Variants in NXPE2 observed in about 807,000 individuals in gnomAD.
The protein encoded by NXPE2 is NXPE family member 2.
In NXPE2, 34 loss-of-function variants were observed where a neutral mutation model predicts 34.4. That is an observed-to-expected ratio of 0.99 (90% CI 0.75 to 1.31). The LOEUF is 1.31. Among genes scored for constraint, NXPE2 ranks in the 40% most tolerant of loss-of-function variants. NXPE2 has a pLI of 0.00. For missense variants in NXPE2, 649 were observed against 672.5 expected, an observed-to-expected ratio of 0.97 and a Z score of 0.39; for synonymous variants, 235 against 231.3, an observed-to-expected ratio of 1.02 and a Z score of -0.15.
At chr11:114,775,881 A>AAG in the NXPE2 span, among the ~76,000 whole-genome samples, 2 of 40,276 alleles carry the variant, frequency 5.0e-5, no homozygotes, top group Admixed American at 4.9e-4. Flanking sequence ...CAAAAAAACG[A>AAG]AAAAAAAAAA....
chr11:114,634,856 G>C, the NXPE2 span, among the ~76,000 whole-genome samples: 1 of 151,966 alleles, frequency 6.6e-6, no homozygotes, highest in Non-Finnish European at 1.5e-5. Context: ...ATGCTGTTTT[G>C]GTTACTGTAG....
intron 2 of NXPE2, among the ~76,000 whole-genome samples, chr11:114,697,085 C>T (rs1187449480): frequency 2.0e-5 from 3 of 152,144 alleles, no homozygotes; most frequent in African/African-American, 7.2e-5. Context: ...TTGTACTATA[C>T]TCACCTATTT....
At chr11:114,560,273 CTT>C in the NXPE2 span, among the ~76,000 whole-genome samples, 27 of 135,090 alleles carry the variant, frequency 2.0e-4, no homozygotes, top group Non-Finnish European at 2.5e-4. Flanking sequence ...CTTTTTTTTT[CTT>C]TTTTTTTTTT....
chr11:114,534,215 G>T, the NXPE2 span, among the ~76,000 whole-genome samples: 1 of 152,218 alleles, frequency 6.6e-6, no homozygotes, highest in South Asian at 2.1e-4. Context: ...CAGACCTGCA[G>T]CTGAGGGTTC....
At chr11:114,566,697 TTCTCTCTCTC>T in the NXPE2 span, among the ~76,000 whole-genome samples, 6 of 150,396 alleles carry the variant, frequency 4.0e-5, no homozygotes, top group South Asian at 2.1e-4. Flanking sequence ...ATCAAGGGAT[TTCTCTCTCTC>T]TCTCTCTCTA....
chr11:114,720,728 AAATT>A, the NXPE2 span, among the ~76,000 whole-genome samples: 1 of 152,212 alleles, frequency 6.6e-6, no homozygotes, highest in African/African-American at 2.4e-5. Flanking sequence ...TATGTTATCA[AAATT>A]AATTTATTTC....
the NXPE2 span, among the ~76,000 whole-genome samples, chr11:114,545,527 G>T: frequency 6.6e-6 from 1 of 152,128 alleles, no homozygotes; most frequent in Non-Finnish European, 1.5e-5. Flanking sequence ...GTTCTATAGA[G>T]ATCAAAAACC....
At chr11:114,771,605 G>A in the NXPE2 span, among the ~76,000 whole-genome samples, 2,937 of 152,158 alleles carry the variant, frequency 0.019, 81 homozygotes, top group African/African-American at 0.067. Flanking sequence ...AATTCACTCA[G>A]TCCTCGTGAG....
the NXPE2 span, among the ~76,000 whole-genome samples, chr11:114,639,991 T>A: frequency 8.4e-6 from 1 of 118,656 alleles, no homozygotes; most frequent in African/African-American, 3.4e-5. Flanking sequence ...AATATAATAA[T>A]GTTATATAAT....
the NXPE2 span, among the ~76,000 whole-genome samples, chr11:114,776,033 C>A: frequency 6.6e-6 from 1 of 152,208 alleles, no homozygotes; most frequent in Non-Finnish European, 1.5e-5. Flanking sequence ...ACCCAAACAC[C>A]TCTCCTGTGG....
the NXPE2 span, among the ~76,000 whole-genome samples, chr11:114,608,631 A>G: frequency 2.6e-5 from 4 of 151,716 alleles, no homozygotes; most frequent in Non-Finnish European, 5.9e-5. Context: ...GGTGGATAAT[A>G]CTTGTTGCCT....
chr11:114,504,347 A>G, the NXPE2 span, among the ~76,000 whole-genome samples: 1 of 152,206 alleles, frequency 6.6e-6, no homozygotes. Flanking sequence ...GGGCACAGAG[A>G]AGGCATCCAG....
At chr11:114,800,271 A>C in the NXPE2 span, among the ~76,000 whole-genome samples, 5 of 152,266 alleles carry the variant, frequency 3.3e-5, no homozygotes, top group Non-Finnish European at 7.3e-5. Context: ...CAATCTAAAA[A>C]TAATTAAACC....
chr11:114,715,432 T>A, the NXPE2 span, among the ~76,000 whole-genome samples: 1 of 152,256 alleles, frequency 6.6e-6, no homozygotes, highest in Non-Finnish European at 1.5e-5. Context: ...TTTCTGTTAC[T>A]AATGTTTTCA....
chr11:114,601,675 AATTATAGAT>A, the NXPE2 span, among the ~76,000 whole-genome samples: 7 of 37,304 alleles, frequency 1.9e-4, 1 homozygote, highest in African/African-American at 9.7e-4. Flanking sequence ...TATATATTAT[AATTATAGAT>A]TATATATATT....
chr11:114,718,878 AC>A, the NXPE2 span, among the ~76,000 whole-genome samples: 1 of 152,024 alleles, frequency 6.6e-6, no homozygotes, highest in East Asian at 1.9e-4. Context: ...GTGAAACTGA[AC>A]CCCCAAAGTA....
At chr11:114,559,303 C>G in the NXPE2 span, among the ~76,000 whole-genome samples, 1 of 152,188 alleles carries the variant, frequency 6.6e-6, no homozygotes, top group Non-Finnish European at 1.5e-5. Context: ...AGGAAACTTT[C>G]CAGCATAACT....
At chr11:114,543,830 A>G in the NXPE2 span, among the ~76,000 whole-genome samples, 2 of 152,326 alleles carry the variant, frequency 1.3e-5, no homozygotes, top group East Asian at 3.9e-4. Flanking sequence ...TCTACGTAGA[A>G]TCTACCCAAA....
At chr11:114,556,357 G>A in the NXPE2 span, among the ~76,000 whole-genome samples, 1 of 152,124 alleles carries the variant, frequency 6.6e-6, no homozygotes, top group Non-Finnish European at 1.5e-5. Flanking sequence ...GTTGTTCTGT[G>A]CTACACTTTG....
Sources: allele counts gnomAD v4.1 joint callset (sites outside exome capture counted in the v4.1 genomes callset), GRCh38; gene constraint gnomAD v4.1.1; transcripts MANE v1.5; gene names NCBI Gene and HGNC (gene_info 2026-07-23, HGNC 2026-07-21).